The following SLC25A13 variants were observed in gnomAD, a reference collection of about 807,000 sequenced individuals.
SLC25A13 encodes electrogenic aspartate/glutamate antiporter SLC25A13, mitochondrial.
In SLC25A13, 70 loss-of-function variants were observed where a neutral mutation model predicts 85.5. The ratio of observed to expected loss-of-function variants is 0.82; its 90% CI spans 0.68 to 1.00. SLC25A13 has a LOEUF of 1.00. SLC25A13 is among the 50% of genes least tolerant of loss of function. The probability of loss-of-function intolerance (pLI) is 0.00; values close to 1 mark genes in which losing one functional copy is unlikely to be tolerated. For synonymous variants in SLC25A13, 259 were observed against 288.7 expected (o/e 0.90, Z 1.04); for missense variants, 765 against 819.8 (o/e 0.93, Z 0.82).
chr7:96,289,382 C>T (rs1230403681), intron 2 of SLC25A13, among the ~76,000 whole-genome samples: 2 of 152,178 alleles, frequency 1.3e-5, no homozygotes, highest in African/African-American at 4.8e-5. Context: ...CAGCTCCTCA[C>T]CGGCAACGGA....
intron 4 of SLC25A13, among the ~76,000 whole-genome samples, chr7:96,226,012 T>C (rs570114694): frequency 1.4e-5 from 2 of 147,680 alleles, no homozygotes; most frequent in Admixed American, 1.4e-4. Context: ...AAATAAAATC[T>C]TTTTTTTTTG....
intron 3 of SLC25A13, among the ~76,000 whole-genome samples, chr7:96,238,394 G>GTT (rs11386446): frequency 3.6e-4 from 54 of 148,560 alleles, no homozygotes; most frequent in South Asian, 1.3e-3. Flanking sequence ...CAACTAATTT[G>GTT]TTTTTTTTTT....
At chr7:96,162,486 G>A (rs1349626227) in intron 13 of SLC25A13, among the ~76,000 whole-genome samples, 3 of 152,072 alleles carry the variant, frequency 2.0e-5, no homozygotes, top group Non-Finnish European at 2.9e-5. Flanking sequence ...TCTGGGTGGC[G>A]CCATGACTCA....
At chr7:96,303,330 A>G (rs1415121394) in intron 1 of SLC25A13, among the ~76,000 whole-genome samples, 1 of 152,124 alleles carries the variant, frequency 6.6e-6, no homozygotes, top group African/African-American at 2.4e-5. Flanking sequence ...TAGCTCATCA[A>G]AAGCAAGCTT....
intron 15 of SLC25A13, among the ~76,000 whole-genome samples, chr7:96,124,009 G>C (rs1412540850): frequency 6.6e-6 from 1 of 152,202 alleles, no homozygotes; most frequent in East Asian, 1.9e-4. Context: ...GCAGGAAAGG[G>C]ACTGGCAGGC....
At chr7:96,314,447 G>A (rs1027549185) in intron 1 of SLC25A13, among the ~76,000 whole-genome samples, 5 of 152,092 alleles carry the variant, frequency 3.3e-5, no homozygotes, top group African/African-American at 1.2e-4. Context: ...TAAATACTTT[G>A]CTAAAGGAAT....
intron 2 of SLC25A13, among the ~76,000 whole-genome samples, chr7:96,280,615 T>G (rs573491477): frequency 1.3e-5 from 2 of 152,218 alleles, no homozygotes; most frequent in Non-Finnish European, 1.5e-5. Flanking sequence ...CTTGGGAGAC[T>G]GAGGCAGGAG....
At chr7:96,231,677 T>C (rs767671289) in intron 4 of SLC25A13, among the ~76,000 whole-genome samples, 5 of 151,790 alleles carry the variant, frequency 3.3e-5, no homozygotes, top group East Asian at 1.9e-4. Flanking sequence ...TGAGCCGAGA[T>C]TGTGCCACTG....
In SLC25A13 at chr7:96,120,373, G is replaced by A. The variant is rs1791449474; in HGVS notation, c.*818C>T. ...TAAAAGCAAGTGGGTACCAATGATGGGGAGATGAGGAGAATAGGGCAGGCA... is the reference window on the plus strand; with the variant it reads ...TAAAAGCAAGTGGGTACCAATGATGAGGAGATGAGGAGAATAGGGCAGGCA... On this transcript the variant is annotated 3_prime_UTR_variant, in exon 18 of 18. Transcript: ENST00000265631. 4.4e-6 allele frequency: 2 copies of A among 454,118 alleles called. No individual in the cohort carries two copies. Among genetic ancestry groups the A allele is most frequent in the Non-Finnish European group, 8.8e-6 (2 of 226,780 alleles). The allele number at this position is 454,118 out of a possible 1,614,324, so 28.1% of individuals were successfully genotyped here. A position where few individuals can be genotyped will look rare whatever the true frequency, so the allele number is the denominator to read the frequency against.
intron 13 of SLC25A13, among the ~76,000 whole-genome samples, chr7:96,153,021 ATATC>A (rs1468762875): frequency 6.6e-6 from 1 of 152,218 alleles, no homozygotes; most frequent in African/African-American, 2.4e-5. Flanking sequence ...TAAGGAGAAA[ATATC>A]TAGGGGGAAG....
At chr7:96,163,118 T>C (rs997515335) in intron 13 of SLC25A13, among the ~76,000 whole-genome samples, 4 of 152,170 alleles carry the variant, frequency 2.6e-5, no homozygotes, top group African/African-American at 9.7e-5. Context: ...CCTATTACGA[T>C]GTAGGGTCTA....
chr7:96,134,617 C>T lies in SLC25A13; in HGVS notation c.1453-2736G>A, dbSNP rs180884341. Among the ~76,000 whole-genome samples, 239 of 151,644 alleles carry T rather than the reference C, an allele frequency of 1.6e-3. 1 individual carries two copies. The highest frequency in any genetic ancestry group is 6.8e-3 in the Middle Eastern group (2 of 292). On this transcript the variant is annotated intron_variant, in intron 14 of 17. Transcript: ENST00000265631. The stretch of plus-strand genomic sequence containing the variant: ...CTGAAGAAGGACCCACTGAGTGTTC[C>T]ACCTTCTGAGAACCTCCTTCTTCTT...
In SLC25A13 at chr7:96,193,076, G is replaced by C. The variant is rs753114158; in HGVS notation, c.576C>G (p.Pro192=). ...CTTCTACAAAAGGAGTCAAGACATGGGGGCGGATGGTGACCATGATGTCTC... is the reference window on the plus strand; with the variant it reads ...CTTCTACAAAAGGAGTCAAGACATGCGGGCGGATGGTGACCATGATGTCTC... ...DFRDIMVTIR[P]HVLTPFVEEC... Residue 192 remains proline (P), a synonymous_variant, in exon 6 of 18, where the codon CCC becomes CCG. Coordinates refer to ENST00000265631, the MANE Select transcript of SLC25A13 (RefSeq NM_014251.3). 30 of 1,613,874 alleles carry C rather than the reference G, an allele frequency of 1.9e-5. 1 individual carries two copies. The Admixed American group carries it at 5.0e-4, about 27-fold the overall frequency.
chr7:96,148,327 GCT>G (rs1382216226), intron 13 of SLC25A13, among the ~76,000 whole-genome samples: 1 of 152,188 alleles, frequency 6.6e-6, no homozygotes, highest in South Asian at 2.1e-4. Flanking sequence ...GCTCAGAACA[GCT>G]CTGTTTTGCT....
chr7:96,222,148 C>G (rs1381395019), intron 4 of SLC25A13, among the ~76,000 whole-genome samples: 3 of 152,150 alleles, frequency 2.0e-5, no homozygotes, highest in Admixed American at 1.3e-4. Context: ...TTTCCACATG[C>G]CACTTATTAA....
At chr7:96,171,067 T>A (rs1398919985) in intron 12 of SLC25A13, among the ~76,000 whole-genome samples, 1 of 152,210 alleles carries the variant, frequency 6.6e-6, no homozygotes, top group East Asian at 1.9e-4. Flanking sequence ...ATTCTAGTTC[T>A]CCCACTCATG....
At chr7:96,219,671 G>T (rs763773312) in intron 4 of SLC25A13, 1 of 534,516 alleles carries the variant, frequency 1.9e-6, no homozygotes, top group South Asian at 1.4e-5. Flanking sequence ...TGAATCAGTA[G>T]ATTTGAGACA....
intron 4 of SLC25A13, among the ~76,000 whole-genome samples, chr7:96,211,820 A>G (rs997739236): frequency 2.6e-5 from 4 of 152,206 alleles, no homozygotes; most frequent in African/African-American, 9.7e-5. Flanking sequence ...ACAAATCATC[A>G]GTCAACATCG....
At chr7:96,280,629 C>A (rs545367007) in intron 2 of SLC25A13, among the ~76,000 whole-genome samples, 1 of 152,054 alleles carries the variant, frequency 6.6e-6, no homozygotes, top group Non-Finnish European at 1.5e-5. Flanking sequence ...GCAGGAGAAT[C>A]GCTTGAGCAC....
Sources: gnomAD v4.1 joint callset for allele counts (sites outside exome capture counted in the v4.1 genomes callset) on GRCh38, gnomAD v4.1.1 for gene constraint, MANE v1.5 for transcripts, NCBI Gene and HGNC (gene_info 2026-07-23, HGNC 2026-07-21) for gene names.